The following TRPM3 variants were observed in gnomAD, a reference collection of about 807,000 sequenced individuals.
TRPM3 encodes transient receptor potential cation channel subfamily M member 3.
TRPM3 carries 77 observed loss-of-function variants against 181.2 expected under a neutral mutation model. That is an observed-to-expected ratio of 0.42 (90% CI 0.35 to 0.51). The LOEUF (loss-of-function observed/expected upper bound fraction) is 0.51, where lower values mean the gene tolerates loss of function less well. Ranked by LOEUF, TRPM3 falls within the 20% of genes least tolerant of loss-of-function variation. The probability of loss-of-function intolerance (pLI) is 0.01; values close to 1 mark genes in which losing one functional copy is unlikely to be tolerated. For missense variants in TRPM3, 1,759 were observed against 2,196.7 expected (o/e 0.80, Z 3.98); for synonymous variants, 745 against 796.4 (o/e 0.94, Z 1.09).
chr9:71,108,895 A>G (rs1444511206), intron 1 of TRPM3, among the ~76,000 whole-genome samples: 1 of 152,206 alleles, frequency 6.6e-6, no homozygotes, highest in Non-Finnish European at 1.5e-5. Context: ...ATTTGGTCAA[A>G]CATTATTCTG....
intron 6 of TRPM3, among the ~76,000 whole-genome samples, chr9:70,798,598 A>G (rs1346529698): frequency 6.6e-6 from 1 of 152,228 alleles, no homozygotes; most frequent in African/African-American, 2.4e-5. Flanking sequence ...CAGCCCTCTC[A>G]GATAACATTC....
chr9:70,580,796 C>T (rs2055447750), intron 22 of TRPM3, among the ~76,000 whole-genome samples: 1 of 152,226 alleles, frequency 6.6e-6, no homozygotes, highest in South Asian at 2.1e-4. Context: ...TCCCTTTTCT[C>T]TTCCCCTTTT....
At chr9:70,602,511 G>A (rs1428367937) in intron 20 of TRPM3, among the ~76,000 whole-genome samples, 1 of 152,162 alleles carries the variant, frequency 6.6e-6, no homozygotes, top group African/African-American at 2.4e-5. Context: ...TTCCAGAAAG[G>A]GCCTGTCCTG....
intron 12 of TRPM3, among the ~76,000 whole-genome samples, chr9:70,633,889 A>G (rs571764989): frequency 3.3e-5 from 5 of 152,264 alleles, no homozygotes; most frequent in Admixed American, 2.6e-4. Context: ...GTGTGCATAC[A>G]TGTATGGGCA....
At chr9:71,271,612 A>G (rs2083796055) in intron 1 of TRPM3, among the ~76,000 whole-genome samples, 1 of 151,788 alleles carries the variant, frequency 6.6e-6, no homozygotes, top group Non-Finnish European at 1.5e-5. Flanking sequence ...GTTAACCTTC[A>G]GCAAAAGAAG....
At chr9:70,905,624 A>C (rs1335632288) in intron 1 of TRPM3, among the ~76,000 whole-genome samples, 2 of 152,258 alleles carry the variant, frequency 1.3e-5, no homozygotes, top group Non-Finnish European at 2.9e-5. Flanking sequence ...ACATTTTAGA[A>C]ATACCTAGAA....
At chr9:71,364,550 A>G (rs148507898) in intron 1 of TRPM3, among the ~76,000 whole-genome samples, 2 of 152,342 alleles carry the variant, frequency 1.3e-5, no homozygotes, top group Non-Finnish European at 2.9e-5. Flanking sequence ...GTTATTCCAA[A>G]TGACTATAAA....
At position 70,636,082 on chromosome 9, in the gene TRPM3, A is replaced by T. The variant is rs1435914761; in HGVS notation, c.1582-821T>A. 3.9e-5 allele frequency among the ~76,000 whole-genome samples: 6 copies of T among 152,058 alleles called. No homozygotes were observed. In the East Asian group the frequency reaches 1.2e-3, roughly 29 times the overall value. ...TGTAAAAGGCCTGAGAGTAAATTAG[A>T]CTTTGTGGGTCACACGGTCTTTACT... On this transcript the variant is annotated intron_variant, in intron 11 of 25. Coordinates refer to ENST00000677713, the MANE Select transcript of TRPM3 (RefSeq NM_001366145.2).
rs114050741 is a variant in TRPM3 at position 71,253,741 on chromosome 9, C to T, written c.183+192912G>A. On this transcript the variant is annotated intron_variant, in intron 1 of 24. Transcript: ENST00000357533. ...AAATGAAATCAGTATGTCAAAGAGACGTCTACACTCCCATGTTCCTTGCAG... is the reference window on the plus strand; with the variant it reads ...AAATGAAATCAGTATGTCAAAGAGATGTCTACACTCCCATGTTCCTTGCAG... Among the ~76,000 whole-genome samples the T allele has an allele frequency of 4.2e-3, 637 of 152,186 alleles. 4 individuals are homozygous for T. The highest frequency in any genetic ancestry group is 0.014 in the African/African-American group (590 of 41,532).
At chr9:70,790,713 G>A (rs2085165040) in intron 6 of TRPM3, among the ~76,000 whole-genome samples, 1 of 152,174 alleles carries the variant, frequency 6.6e-6, no homozygotes, top group East Asian at 1.9e-4. Flanking sequence ...GGTCTGGAAA[G>A]TGTGAGATGA....
At chr9:71,063,516 GA>G (rs1405802040) in intron 1 of TRPM3, among the ~76,000 whole-genome samples, 7 of 152,120 alleles carry the variant, frequency 4.6e-5, no homozygotes, top group African/African-American at 1.7e-4. Context: ...AGTGAAGGGA[GA>G]ATGCCCTGTG....
chr9:71,048,408 G>A (rs1431749850), intron 1 of TRPM3, among the ~76,000 whole-genome samples: 2 of 152,176 alleles, frequency 1.3e-5, no homozygotes, highest in Non-Finnish European at 2.9e-5. Context: ...CTAAGCTACA[G>A]GCTGAATGGC....
At chr9:70,939,664 C>T (rs2096866154) in intron 1 of TRPM3, among the ~76,000 whole-genome samples, 1 of 152,232 alleles carries the variant, frequency 6.6e-6, no homozygotes, top group East Asian at 1.9e-4. Context: ...AGAGATAGAA[C>T]AGGAAATCTA....
intron 1 of TRPM3, among the ~76,000 whole-genome samples, chr9:71,183,443 C>T (rs1413046365): frequency 6.6e-6 from 1 of 152,122 alleles, no homozygotes; most frequent in African/African-American, 2.4e-5. Context: ...TGTCTTTCCT[C>T]TTCTGCTTTT....
intron 1 of TRPM3, among the ~76,000 whole-genome samples, chr9:71,234,778 G>A (rs2081265307): frequency 6.6e-6 from 1 of 152,154 alleles, no homozygotes; most frequent in Non-Finnish European, 1.5e-5. Flanking sequence ...GGAGGAGTGT[G>A]CACACTTTGG....
chr9:71,100,009 G>C (rs1331418020), intron 1 of TRPM3, among the ~76,000 whole-genome samples: 1 of 152,088 alleles, frequency 6.6e-6, no homozygotes, highest in Non-Finnish European at 1.5e-5. Context: ...AATGAAAGAA[G>C]TTGTACATGC....
At chr9:71,227,732 C>A (rs929820649) in intron 1 of TRPM3, among the ~76,000 whole-genome samples, 2 of 151,940 alleles carry the variant, frequency 1.3e-5, no homozygotes, top group Non-Finnish European at 2.9e-5. Context: ...AATTGGAAAA[C>A]CTAGAAGAAA....
intron 9 of TRPM3, among the ~76,000 whole-genome samples, chr9:70,645,112 T>A (rs527254604): frequency 6.6e-6 from 1 of 152,172 alleles, no homozygotes. Context: ...AGAATCAATA[T>A]TGTGAAAATG....
intron 1 of TRPM3, among the ~76,000 whole-genome samples, chr9:70,909,267 C>T (rs918762274): frequency 5.3e-5 from 8 of 152,198 alleles, no homozygotes; most frequent in Non-Finnish European, 1.0e-4. Flanking sequence ...TAAGCTGGTT[C>T]TATCTAGCTC....
Sources: gnomAD v4.1 joint callset for allele counts (sites outside exome capture counted in the v4.1 genomes callset) on GRCh38, gnomAD v4.1.1 for gene constraint, MANE v1.5 for transcripts, NCBI Gene and HGNC (gene_info 2026-07-23, HGNC 2026-07-21) for gene names.